The following CACNA2D2 variants were observed in gnomAD, a reference collection of about 807,000 sequenced individuals.
CACNA2D2 encodes the protein voltage-dependent calcium channel subunit alpha-2/delta-2.
A neutral mutation model predicts 166.4 loss-of-function variants in CACNA2D2; 48 were observed. The ratio of observed to expected loss-of-function variants is 0.29; its 90% CI spans 0.23 to 0.37. The LOEUF (loss-of-function observed/expected upper bound fraction) is 0.37. CACNA2D2 is among the 10% of genes least tolerant of loss of function. The pLI is 1.00. For missense variants in CACNA2D2, 1,122 were observed against 1,433.0 expected (o/e 0.78, Z 3.50); for synonymous variants, 561 against 573.7 (o/e 0.98, Z 0.32).
Position 50,365,700 on chromosome 3 carries a change from G to A in CACNA2D2, c.2916-12C>T, listed in dbSNP as rs754773882. 8 of 1,592,216 alleles carry A rather than the reference G, an allele frequency of 5.0e-6. No homozygotes were observed. Among genetic ancestry groups the A allele is most frequent in the Middle Eastern group, 1.7e-4 (1 of 6,026 alleles). On this transcript the variant is annotated splice_polypyrimidine_tract_variant and intron_variant, in intron 33 of 37. Transcript: ENST00000424201. This position sits in a 1 kb window ranked among gnomAD's most constrained non-coding sequence, Gnocchi z 4.5. Reference sequence around the variant, plus strand: ...GCTGGAACAGGGACCTGCAGCGCACGGGGAGCCGAGTGCAGGTGGTCAGCA... The same window carrying A: ...GCTGGAACAGGGACCTGCAGCGCACAGGGAGCCGAGTGCAGGTGGTCAGCA...
chr3:50,434,850 C>CA (rs1272931699), intron 2 of CACNA2D2, among the ~76,000 whole-genome samples: 21 of 152,250 alleles, frequency 1.4e-4, no homozygotes, highest in Admixed American at 9.8e-4. Context: ...CCACATACCC[C>CA]ATCCCAAAAA....
chr3:50,417,350 C>G (rs183545577), intron 3 of CACNA2D2, among the ~76,000 whole-genome samples: 6 of 152,368 alleles, frequency 3.9e-5, no homozygotes, highest in African/African-American at 1.2e-4. Context: ...CCCCCATGAG[C>G]TGACAGACAC....
intron 1 of CACNA2D2, among the ~76,000 whole-genome samples, chr3:50,477,883 C>T (rs1410281049): frequency 1.3e-5 from 2 of 152,118 alleles, no homozygotes; most frequent in African/African-American, 4.8e-5. Context: ...TCAGAAGAGC[C>T]CAAGCCTCTA....
chr3:50,395,053 C>T (rs1359158027), intron 3 of CACNA2D2, among the ~76,000 whole-genome samples: 3 of 152,192 alleles, frequency 2.0e-5, no homozygotes, highest in African/African-American at 7.2e-5. Context: ...AGGATCCCTT[C>T]TCTACAGGAA....
At chr3:50,477,225 G>A (rs781177034) in intron 1 of CACNA2D2, among the ~76,000 whole-genome samples, 18 of 152,252 alleles carry the variant, frequency 1.2e-4, no homozygotes, top group South Asian at 4.1e-4. Context: ...CACCGTGCCC[G>A]GCCCACCCTG....
rs1267802639 is a variant in CACNA2D2 at position 50,373,624 on chromosome 3, G to C, written c.1984+1113C>G. 2.9e-4 allele frequency among the ~76,000 whole-genome samples: 34 copies of C among 115,952 alleles called. 1 individual carries two copies. Among genetic ancestry groups the C allele is most frequent in the Admixed American group, 2.9e-3 (34 of 11,682 alleles). 76.1% of individuals were successfully genotyped at this position (115,952 alleles called of 152,430 possible). ...TGTGGGGAGTGGGACTGAAGGGGGG[G>C]GGGTGCTGGGGTGGGGAGAGCGGGA... On this transcript the variant is annotated intron_variant, in intron 22 of 37. Coordinates refer to ENST00000424201, the MANE Select transcript of CACNA2D2 (RefSeq NM_006030.4).
At chr3:50,389,552 G>C (rs935689755) in intron 4 of CACNA2D2, among the ~76,000 whole-genome samples, 1 of 152,194 alleles carries the variant, frequency 6.6e-6, no homozygotes, top group East Asian at 1.9e-4. Flanking sequence ...GCCCTCAGGA[G>C]CCCTAGGCTC....
At chr3:50,413,696 A>T (rs1707134823) in intron 3 of CACNA2D2, among the ~76,000 whole-genome samples, 1 of 151,978 alleles carries the variant, frequency 6.6e-6, no homozygotes, top group Admixed American at 6.5e-5. Flanking sequence ...AAAATACATA[A>T]ATTAGCCGGG....
At chr3:50,454,318 G>C (rs956338968) in intron 2 of CACNA2D2, among the ~76,000 whole-genome samples, 2 of 152,238 alleles carry the variant, frequency 1.3e-5, no homozygotes, top group African/African-American at 4.8e-5. Context: ...TGTGTACGCA[G>C]AGTGCCGGAG....
At position 50,496,764 on chromosome 3, in the gene CACNA2D2, G is replaced by A. The variant is rs143494876; in HGVS notation, c.206+6454C>T. Among the ~76,000 whole-genome samples, 175 of 152,348 alleles carry A rather than the reference G, an allele frequency of 1.1e-3. 1 individual carries two copies. The highest frequency in any genetic ancestry group is 3.9e-3 in the African/African-American group (164 of 41,574). ...TCCAAGACCCTGAGAGGCTGTGGAA[G>A]TTCCCAAGGTCACACAGCTGTTGAG... On this transcript the variant is annotated intron_variant, in intron 1 of 37. Coordinates refer to ENST00000424201, the MANE Select transcript of CACNA2D2 (RefSeq NM_006030.4).
At chr3:50,451,319 T>A (rs894098072) in intron 2 of CACNA2D2, among the ~76,000 whole-genome samples, 3 of 151,964 alleles carry the variant, frequency 2.0e-5, no homozygotes, top group Non-Finnish European at 4.4e-5. Context: ...TAAAGATGGG[T>A]TTCACCATAT....
intron 2 of CACNA2D2, among the ~76,000 whole-genome samples, chr3:50,470,069 C>T (rs928878357): frequency 5.9e-5 from 9 of 152,226 alleles, no homozygotes; most frequent in African/African-American, 1.9e-4. Context: ...GGGGCAACTC[C>T]GTGCTGAGGC....
intron 2 of CACNA2D2, among the ~76,000 whole-genome samples, chr3:50,456,210 C>A (rs2106981482): frequency 6.6e-6 from 1 of 152,320 alleles, no homozygotes; most frequent in Admixed American, 6.5e-5. Flanking sequence ...AATGGAGGGG[C>A]TCAGCCTCTG....
In CACNA2D2 at chr3:50,364,628, G is replaced by A. The variant is rs1474203439; in HGVS notation, c.*38C>T. Reference sequence around the variant, plus strand: ...GGAGGGTGGGAAAGGCGAAGAGGCCGGGTGAGGTGGGAGTGGAGGTGGGGT... The same window carrying A: ...GGAGGGTGGGAAAGGCGAAGAGGCCAGGTGAGGTGGGAGTGGAGGTGGGGT... On this transcript the variant is annotated 3_prime_UTR_variant, in exon 38 of 38. Coordinates refer to ENST00000424201, the MANE Select transcript of CACNA2D2 (RefSeq NM_006030.4). 6.8e-6 allele frequency: 10 copies of A among 1,475,662 alleles called. No homozygotes were observed. Among genetic ancestry groups the A allele is most frequent in the Non-Finnish European group, 9.0e-6 (10 of 1,113,742 alleles). 91.4% of individuals were successfully genotyped at this position (1,475,662 alleles called of 1,614,324 possible).
At chr3:50,426,393 T>G (rs3774756) in intron 3 of CACNA2D2, among the ~76,000 whole-genome samples, 2 of 152,124 alleles carry the variant, frequency 1.3e-5, no homozygotes, top group Non-Finnish European at 1.5e-5. Flanking sequence ...GGCCGTAGGG[T>G]GGGACAGGCT....
At chr3:50,417,909 G>A (rs1312752055) in intron 3 of CACNA2D2, among the ~76,000 whole-genome samples, 1 of 152,202 alleles carries the variant, frequency 6.6e-6, no homozygotes, top group Non-Finnish European at 1.5e-5. Context: ...TAGTGTGTAC[G>A]TGGGGAATGA....
intron 2 of CACNA2D2, among the ~76,000 whole-genome samples, chr3:50,438,686 A>G (rs1039744455): frequency 6.6e-6 from 1 of 152,220 alleles, no homozygotes; most frequent in Non-Finnish European, 1.5e-5. Flanking sequence ...ACCACAGGAA[A>G]CTAAAGGCCT....
rs1299950397 is a variant in CACNA2D2 at position 50,475,035 on chromosome 3, A to G, written c.288+1083T>C. Among the ~76,000 whole-genome samples the G allele has an allele frequency of 2.0e-5, 3 of 152,104 alleles. No homozygotes were observed. The South Asian group carries it at 6.2e-4, about 31-fold the overall frequency. ...CTCCCTTCCCACGGCGTTGCCACGT[A>G]CTTAGCCACCCATGACCAGCCCCAG... is the stretch of plus-strand genomic sequence containing the variant. On this transcript the variant is annotated intron_variant, in intron 2 of 37. Transcript: ENST00000424201.
At chr3:50,386,188 C>A (rs587744038) in intron 5 of CACNA2D2, among the ~76,000 whole-genome samples, 30 of 152,284 alleles carry the variant, frequency 2.0e-4, no homozygotes, top group African/African-American at 5.8e-4. Flanking sequence ...CTCTAGCCCC[C>A]CAACAGAAGT....
Sources: gnomAD v4.1 joint callset for allele counts (sites outside exome capture counted in the v4.1 genomes callset) on GRCh38, gnomAD v4.1.1 for gene constraint, Gnocchi (gnomAD v3.1) non-coding constraint, MANE v1.5 for transcripts, NCBI Gene and HGNC (gene_info 2026-07-23, HGNC 2026-07-21) for gene names.